Variants in NCOA3 observed in about 807,000 individuals in gnomAD.
NCOA3 encodes the protein CBP-interacting protein.
A neutral mutation model predicts 158.8 loss-of-function variants in NCOA3; 51 were observed. That is an observed-to-expected ratio of 0.32 (90% CI 0.26 to 0.41). NCOA3 has a LOEUF of 0.41. Ranked by LOEUF, NCOA3 falls within the 10% of genes least tolerant of loss-of-function variation. NCOA3 has a pLI of 1.00. For synonymous variants in NCOA3, 537 were observed against 592.4 expected (o/e 0.91, Z 1.36); for missense variants, 1,510 against 1,746.6 (o/e 0.86, Z 2.41).
rs757242903 is a variant in NCOA3 at position 47,635,658 on chromosome 20, T to G, written c.1449T>G (p.Ser483=). ...LAPNQQNIMI[S]PRNRGSPKIA... Reference sequence around the variant, plus strand: ...CAAACCAGCAGAATATCATGATTTCTCCTCGTAATCGTGGGAGTCCAAAGA... The same window carrying G: ...CAAACCAGCAGAATATCATGATTTCGCCTCGTAATCGTGGGAGTCCAAAGA... Residue 483 remains serine, a synonymous_variant, in exon 11 of 23, where the codon TCT becomes TCG. Transcript: ENST00000371998. 1 of 1,614,210 alleles carries G rather than the reference T, an allele frequency of 6.2e-7. No individual in the cohort carries two copies. The highest frequency in any genetic ancestry group is 1.1e-5 in the South Asian group (1 of 91,084).
Position 47,636,136 on chromosome 20 carries a change from A to T in NCOA3, c.1750A>T (p.Met584Leu). 1 of 1,614,234 alleles carries T rather than the reference A, an allele frequency of 6.2e-7. No individual in the cohort carries two copies. The highest frequency in any genetic ancestry group is 1.3e-5 in the African/African-American group (1 of 75,058). The change falls in exon 12 of 23, where the codon ATG becomes TTG. Residue 584 changes from methionine (M) to leucine (L), a missense_variant. This residue lies in a region of NCOA3 where 1,017 missense variants were observed against 1,098.3 expected (regional missense o/e 0.93). Transcript: ENST00000371998. ...YCDQNPVESS[M>L]CQSNSRDHLS... ...CGACCAAAATCCAGTGGAGAGTTCAATGTGTCAGTCAAATAGCAGAGATCA... is the reference window on the plus strand; with the variant it reads ...CGACCAAAATCCAGTGGAGAGTTCATTGTGTCAGTCAAATAGCAGAGATCA...
At chr20:47,525,450 A>T (rs1203161640) in intron 1 of NCOA3, among the ~76,000 whole-genome samples, 1 of 150,388 alleles carries the variant, frequency 6.6e-6, no homozygotes, top group African/African-American at 2.4e-5. Flanking sequence ...GCTGTTGGGT[A>T]CACCTCCCAG....
intron 17 of NCOA3, among the ~76,000 whole-genome samples, chr20:47,644,119 AC>A (rs2086652016): frequency 1.3e-5 from 2 of 148,780 alleles, no homozygotes; most frequent in South Asian, 2.1e-4. Flanking sequence ...ATTTCTGTTG[AC>A]ATGTTGGGCA....
intron 1 of NCOA3, among the ~76,000 whole-genome samples, chr20:47,514,713 CTTTTTTTTT>C (rs143888226): frequency 1.9e-5 from 2 of 105,008 alleles, no homozygotes; most frequent in Non-Finnish European, 1.9e-5. Flanking sequence ...TTGTTTTTTG[CTTTTTTTTT>C]TTTTTTTTTT....
At chr20:47,606,171 G>C (rs772993928) in intron 2 of NCOA3, among the ~76,000 whole-genome samples, 1 of 152,176 alleles carries the variant, frequency 6.6e-6, no homozygotes, top group Non-Finnish European at 1.5e-5. Context: ...TGAACGTGGG[G>C]TATCTTGGAG....
rs2086536074 is a variant in NCOA3, at chr20:47,637,584, GGGT to G, written c.2377-63_2377-61del. On this transcript the variant is annotated intron_variant, in intron 12 of 22. Transcript: ENST00000371998. ...TATTTCATGTATCATTTTTTCTGAT[GGGT>G]ATGTTTATACCTGTGTGTCTGGTAA... 25 of 1,253,882 alleles carry G rather than the reference GGGT, an allele frequency of 2.0e-5. No homozygotes were observed. In the South Asian group the frequency reaches 5.1e-4, roughly 26 times the overall value. 77.7% of individuals were successfully genotyped at this position (1,253,882 alleles called of 1,614,324 possible).
At chr20:47,606,642 TC>T (rs1340660293) in intron 2 of NCOA3, among the ~76,000 whole-genome samples, 1 of 152,222 alleles carries the variant, frequency 6.6e-6, no homozygotes, top group African/African-American at 2.4e-5. Context: ...CACAAAGACT[TC>T]TGCCTGCCAA....
intron 1 of NCOA3, among the ~76,000 whole-genome samples, chr20:47,516,911 C>T (rs1407189364): frequency 1.4e-5 from 2 of 139,304 alleles, no homozygotes; most frequent in African/African-American, 2.8e-5. Context: ...AAGAGTGAGA[C>T]CCTGTCTTAA....
At chr20:47,625,310 G>A in intron 4 of NCOA3, 71 bp from the exon 5 acceptor site, 2 of 989,836 alleles carry the variant, frequency 2.0e-6, no homozygotes, top group South Asian at 2.6e-5. Context: ...TCTCTTCTGG[G>A]GACTATTCGA....
At chr20:47,647,455 T>C in intron 18 of NCOA3, 89 bp downstream of exon 18, 2 of 1,234,752 alleles carry the variant, frequency 1.6e-6, no homozygotes, top group Non-Finnish European at 2.3e-6. Context: ...GTGCAATCTA[T>C]CCCTGTCAAC....
At chr20:47,577,640 T>C (rs1302037170) in intron 1 of NCOA3, among the ~76,000 whole-genome samples, 1 of 152,222 alleles carries the variant, frequency 6.6e-6, no homozygotes, top group East Asian at 1.9e-4. Context: ...TCCTAATTAA[T>C]TGATGGCAGC....
At chr20:47,578,115 T>C (rs1165505364) in intron 1 of NCOA3, among the ~76,000 whole-genome samples, 1 of 152,050 alleles carries the variant, frequency 6.6e-6, no homozygotes, top group African/African-American at 2.4e-5. Flanking sequence ...GACTAAGTAA[T>C]GGGAAAAAAA....
rs914242484 is a variant in NCOA3, at chr20:47,654,848, CTGTGTGTGTG to C, written c.*1437_*1446del. On this transcript the variant is annotated 3_prime_UTR_variant, in exon 23 of 23. Transcript: ENST00000371998. Reference sequence around the variant, plus strand: ...GTCCGAAATAATAGCAATTCATGGGCTGTGTGTGTGTGTGTATGTGTGTGTGTGTGTGTGT... The same window carrying C: ...GTCCGAAATAATAGCAATTCATGGGCTGTGTATGTGTGTGTGTGTGTGTGT... The C allele has an allele frequency of 6.8e-6, 1 of 146,638 alleles. No individual in the cohort carries two copies. Among genetic ancestry groups the C allele is most frequent in the African/African-American group, 2.6e-5 (1 of 38,420 alleles). 9.1% of individuals were successfully genotyped at this position (146,638 alleles called of 1,614,324 possible).
At chr20:47,595,371 A>T (rs1568712293) in intron 2 of NCOA3, among the ~76,000 whole-genome samples, 1 of 152,148 alleles carries the variant, frequency 6.6e-6, no homozygotes, top group Non-Finnish European at 1.5e-5. Flanking sequence ...GTGTGCTGGG[A>T]TTACAGGAGT....
At position 47,653,073 on chromosome 20, in the gene NCOA3, G is replaced by T. The variant is rs1328420221; in HGVS notation, c.4263+1G>T. 1.9e-6 allele frequency: 3 copies of T among 1,614,132 alleles called. No homozygotes were observed. The highest frequency in any genetic ancestry group is 1.7e-5 in the Admixed American group (1 of 60,010). ...TGGCATGCCTATGGGTCCTGATCAGGTATGGGATCGATTCCTTACCTTTTT... is the reference window on the plus strand; with the variant it reads ...TGGCATGCCTATGGGTCCTGATCAGTTATGGGATCGATTCCTTACCTTTTT... On this transcript the variant is annotated splice_donor_variant, in intron 22 of 22. Transcript: ENST00000371998. LOFTEE classifies it high-confidence loss of function.
rs1337396292 is a variant in NCOA3, at chr20:47,636,090, G to A, written c.1704G>A (p.Lys568=). Residue 568 remains lysine, a synonymous_variant, in exon 12 of 23, where the codon AAG becomes AAA. Coordinates refer to ENST00000371998, the MANE Select transcript of NCOA3 (RefSeq NM_181659.3). The part of the protein sequence containing the change: ...QPSKVSNQDS[K]SPLGFYCDQN... ...GTAAAGTAAGCAATCAGGATTCCAA[G>A]AGTCCTCTGGGCTTTTATTGCGACC... 9 of 1,614,052 alleles carry A rather than the reference G, an allele frequency of 5.6e-6. No homozygotes were observed. In the African/African-American group the frequency reaches 9.3e-5, roughly 17 times the overall value.
chr20:47,579,625 G>A (rs6018564), intron 1 of NCOA3, among the ~76,000 whole-genome samples: 16,980 of 152,176 alleles, frequency 0.11, 1,194 homozygotes, highest in Middle Eastern at 0.18. Flanking sequence ...TTCCTGGTAG[G>A]CAAGCCAATC....
At chr20:47,629,144 A>G (rs73131803) in intron 8 of NCOA3, among the ~76,000 whole-genome samples, 4,409 of 152,318 alleles carry the variant, frequency 0.029, 109 homozygotes, top group South Asian at 0.092. Context: ...TGTTTGTAAT[A>G]TGTATATATA....
At chr20:47,633,801 G>A (rs1355532807) in intron 9 of NCOA3, among the ~76,000 whole-genome samples, 165 bp downstream of exon 9, 3 of 152,142 alleles carry the variant, frequency 2.0e-5, no homozygotes, top group African/African-American at 7.2e-5. Flanking sequence ...TGGTTTTGTG[G>A]TTGATTCTTG....
Sources: gnomAD v4.1 joint callset for allele counts (sites outside exome capture counted in the v4.1 genomes callset) on GRCh38, gnomAD v4.1.1 for gene constraint, gnomAD v4.1.1 regional missense constraint, MANE v1.5 for transcripts, NCBI Gene and HGNC (gene_info 2026-07-23, HGNC 2026-07-21) for gene names.